Variants in EDEM1 observed in about 807,000 individuals in gnomAD.
EDEM1 encodes the protein ER degradation-enhancing alpha-mannosidase-like protein 1.
Under a neutral mutation model 74.4 loss-of-function variants are expected in EDEM1, and 67 were observed. The ratio of observed to expected loss-of-function variants is 0.90; its 90% CI spans 0.74 to 1.10. The LOEUF (loss-of-function observed/expected upper bound fraction) is 1.10. Among genes scored for constraint, EDEM1 ranks in the 50% least tolerant of loss-of-function variants. The pLI is 0.00. For missense variants in EDEM1, 926 were observed against 851.6 expected (o/e 1.09, Z -1.09); for synonymous variants, 382 against 335.9 (o/e 1.14, Z -1.50).
rs770619638 is a variant in EDEM1, at chr3:5,215,925, C to G, written c.*7C>G. 1.2e-6 allele frequency: 2 copies of G among 1,610,378 alleles called. No individual in the cohort carries two copies. Among genetic ancestry groups the G allele is most frequent in the Admixed American group, 1.7e-5 (1 of 59,388 alleles). ...GATGGTTGGTTTGATTTGATCTGCT[C>G]TCTGTGAGGCCTCATCTTGAACCAG... On this transcript the variant is annotated 3_prime_UTR_variant, in exon 12 of 12. Coordinates refer to ENST00000256497, the MANE Select transcript of EDEM1 (RefSeq NM_014674.3).
intron 3 of EDEM1, among the ~76,000 whole-genome samples, chr3:5,201,523 A>T (rs1378960385): frequency 6.6e-6 from 1 of 152,192 alleles, no homozygotes; most frequent in Non-Finnish European, 1.5e-5. Context: ...TGTTTTTGGT[A>T]GTCTCGAATA....
intron 1 of EDEM1, among the ~76,000 whole-genome samples, chr3:5,189,943 C>G (rs2054880716): frequency 6.6e-6 from 1 of 151,392 alleles, no homozygotes; most frequent in African/African-American, 2.4e-5. Context: ...ATTTGGCTCA[C>G]TTAACTAGAG....
chr3:5,213,180 A>T (rs994619945), intron 10 of EDEM1, 139 bp from the exon 11 acceptor site: 1 of 831,482 alleles, frequency 1.2e-6, no homozygotes, highest in East Asian at 2.7e-5. Context: ...TTGTCAGTCA[A>T]TTCCTTTTCA....
In EDEM1 at chr3:5,216,352, G is replaced by C. The variant is rs1164090602; in HGVS notation, c.*434G>C. The C allele has an allele frequency of 6.5e-6, 1 of 152,756 alleles. No homozygotes were observed. The highest frequency in any genetic ancestry group is 2.4e-5 in the African/African-American group (1 of 41,392). The allele number at this position is 152,756 out of a possible 1,614,324, so 9.5% of individuals were successfully genotyped here. On this transcript the variant is annotated 3_prime_UTR_variant, in exon 12 of 12. Coordinates refer to ENST00000256497, the MANE Select transcript of EDEM1 (RefSeq NM_014674.3). Reference sequence around the variant, plus strand: ...AGGGTCTTGATATTTTTTTGGGACAGGGTTACCTGGGCTCAAGTGATCCTT... The same window carrying C: ...AGGGTCTTGATATTTTTTTGGGACACGGTTACCTGGGCTCAAGTGATCCTT...
chr3:5,208,763 A>G (rs1479264421), intron 8 of EDEM1, among the ~76,000 whole-genome samples: 2 of 150,058 alleles, frequency 1.3e-5, no homozygotes, highest in Non-Finnish European at 3.0e-5. Context: ...GTGTGTGTAT[A>G]TATATATACA....
At chr3:5,208,055 ATGGTAT>A (rs2055119949) in intron 7 of EDEM1, 32 bp from the exon 8 acceptor site, 1 of 1,550,980 alleles carries the variant, frequency 6.4e-7, no homozygotes, top group African/African-American at 1.4e-5. Context: ...CACTCTAGGA[ATGGTAT>A]CTCAGCCTGA....
At chr3:5,208,374 A>T in intron 8 of EDEM1, 111 bp downstream of exon 8, 9 of 1,313,262 alleles carry the variant, frequency 6.9e-6, no homozygotes, top group Admixed American at 5.2e-5. Flanking sequence ...TTTCATAGTG[A>T]CTCTGATTGA....
rs2055286446 is a variant in EDEM1, at chr3:5,219,457, G to C, written c.*3539G>C. 6.6e-6 allele frequency: 1 copy of C among 152,108 alleles called. No individual in the cohort carries two copies. Among genetic ancestry groups the C allele is most frequent in the East Asian group, 1.9e-4 (1 of 5,158 alleles). The allele number at this position is 152,108 out of a possible 1,614,324, so 9.4% of individuals were successfully genotyped here. ...CAGGGACCCCTTGGGAAATCGAGGAGGTGGGACGGGCTGGGCCCTGTGTCC... is the reference window on the plus strand; with the variant it reads ...CAGGGACCCCTTGGGAAATCGAGGACGTGGGACGGGCTGGGCCCTGTGTCC... On this transcript the variant is annotated 3_prime_UTR_variant, in exon 12 of 12. Coordinates refer to ENST00000256497, the MANE Select transcript of EDEM1 (RefSeq NM_014674.3).
rs1483416815 is a variant in EDEM1 at position 5,219,738 on chromosome 3, T to TA, written c.*3821dup. 1 of 152,652 alleles carries TA rather than the reference T, an allele frequency of 6.6e-6. No individual in the cohort carries two copies. Among genetic ancestry groups the TA allele is most frequent in the Non-Finnish European group, 1.5e-5 (1 of 68,032 alleles). 9.5% of individuals were successfully genotyped at this position (152,652 alleles called of 1,614,324 possible). On this transcript the variant is annotated 3_prime_UTR_variant, in exon 12 of 12. Transcript: ENST00000256497. ...TAGAGTTGGAAACTCTGGGAAAACT[T>TA]ACGGAAATACACAAATGCTTCTCTG...
chr3:5,213,968 C>T lies in EDEM1; in HGVS notation c.1884+446C>T, dbSNP rs568832231. ...CCTGTTGATATGATCCATCAGTGGA[C>T]CTGGAGGGGCAAATGGAAGACATTC... On this transcript the variant is annotated intron_variant, in intron 11 of 11. Transcript: ENST00000256497. Among the ~76,000 whole-genome samples the T allele has an allele frequency of 1.2e-4, 18 of 152,252 alleles. No homozygotes were observed. In the South Asian group the frequency reaches 1.9e-3, roughly 16 times the overall value.
rs1329235802 is a variant in EDEM1 at position 5,203,083 on chromosome 3, G to C, written c.976G>C (p.Glu326Gln). The change falls in exon 5 of 12, where the codon GAG (glutamate) becomes CAG (glutamine). Residue 326 changes from glutamate to glutamine, a missense_variant. By Grantham distance (29) the Glu-to-Gln change is conservative (BLOSUM62 2). Transcript: ENST00000256497. ...LSRLLGDSTF[E>Q]WVARRAVKAL... is the part of the protein sequence containing the mutation. ...TCGACTCCTGGGGGACTCCACATTT[G>C]AGTGGGTGGCCAGACGAGCAGTGAA... The C allele has an allele frequency of 1.2e-6, 2 of 1,612,590 alleles. No individual in the cohort carries two copies. The highest frequency in any genetic ancestry group is 1.7e-6 in the Non-Finnish European group (2 of 1,179,468).
intron 1 of EDEM1, among the ~76,000 whole-genome samples, chr3:5,188,815 A>G (rs1040420470): frequency 7.2e-5 from 11 of 152,170 alleles, no homozygotes; most frequent in Admixed American, 5.9e-4. Context: ...TGACTTCTCC[A>G]AAGCCGTCCA....
chr3:5,198,987 T>C (rs1318956857), intron 2 of EDEM1, among the ~76,000 whole-genome samples: 1 of 152,210 alleles, frequency 6.6e-6, no homozygotes, highest in East Asian at 1.9e-4. Flanking sequence ...TAATTCTAGA[T>C]CACTTTTTAA....
At chr3:5,207,384 AG>A in intron 7 of EDEM1, 111 bp downstream of exon 7, 1 of 1,471,760 alleles carries the variant, frequency 6.8e-7, no homozygotes, top group East Asian at 2.3e-5. Flanking sequence ...TGGATTTGGG[AG>A]GTCACTGACA....
rs1205113342 is a variant in EDEM1 at position 5,188,096 on chromosome 3, A to T, written c.291A>T (p.Pro97=). 10 of 1,507,618 alleles carry T rather than the reference A, an allele frequency of 6.6e-6. No homozygotes were observed. The highest frequency in any genetic ancestry group is 1.5e-5 in the African/African-American group (1 of 68,852). The allele number at this position is 1,507,618 out of a possible 1,614,324, so 93.4% of individuals were successfully genotyped here. ...GTCCTGGGCCGGGGATGTGCGGCCC[A>T]GCCAACTGGGGCTACGTGCTGGGCG... The part of the protein sequence containing the change: ...PRRPGPGMCG[P]ANWGYVLGGR... The change falls in exon 1 of 12, where the codon CCA becomes CCT. Residue 97 remains proline (P), a synonymous_variant. Coordinates refer to ENST00000256497, the MANE Select transcript of EDEM1 (RefSeq NM_014674.3).
chr3:5,201,704 A>C, intron 3 of EDEM1, 49 bp from the exon 4 acceptor site: 1 of 1,605,628 alleles, frequency 6.2e-7, no homozygotes, highest in Non-Finnish European at 8.5e-7. Flanking sequence ...GATTATGTGC[A>C]TTTACAAGCA....
Position 5,195,200 on chromosome 3 carries a change from C to G in EDEM1, c.510-9C>G, listed in dbSNP as rs750832431. On this transcript the variant is annotated splice_polypyrimidine_tract_variant and intron_variant, in intron 1 of 11. Coordinates refer to ENST00000256497, the MANE Select transcript of EDEM1 (RefSeq NM_014674.3). ...AGTCTTTTTGTTGAATTTTAATTTT[C>G]TTTTTCAGTTCAAATCTGAACATCA... 4 of 1,472,728 alleles carry G rather than the reference C, an allele frequency of 2.7e-6. No individual in the cohort carries two copies. The Admixed American group carries it at 9.2e-5, about 34-fold the overall frequency. 91.2% of individuals were successfully genotyped at this position (1,472,728 alleles called of 1,614,324 possible).
intron 1 of EDEM1, 131 bp downstream of exon 1, chr3:5,188,445 G>A: frequency 9.2e-7 from 1 of 1,088,882 alleles, no homozygotes; most frequent in Non-Finnish European, 1.2e-6. Context: ...CAGCGCTCCC[G>A]CGCCCTGTCC....
At chr3:5,188,850 A>G (rs1233621789) in intron 1 of EDEM1, among the ~76,000 whole-genome samples, 1 of 152,186 alleles carries the variant, frequency 6.6e-6, no homozygotes, top group Non-Finnish European at 1.5e-5. Flanking sequence ...GAACGGGGTT[A>G]CAGCCTCTCC....
Sources: allele counts gnomAD v4.1 joint callset (sites outside exome capture counted in the v4.1 genomes callset), GRCh38; gene constraint gnomAD v4.1.1; transcripts MANE v1.5; gene names NCBI Gene and HGNC (gene_info 2026-07-23, HGNC 2026-07-21).